Variants in MAP4K1 observed in about 807,000 individuals in gnomAD.
MAP4K1 encodes the protein MAPK/ERK kinase kinase kinase 1.
Under a neutral mutation model 122.8 loss-of-function variants are expected in MAP4K1, and 35 were observed. The observed-to-expected ratio is 0.29, with a 90% CI of 0.22 to 0.38. MAP4K1 has a LOEUF of 0.38. Ranked by LOEUF, MAP4K1 falls within the 10% of genes least tolerant of loss-of-function variation. The probability of loss-of-function intolerance (pLI) is 1.00; values close to 1 mark genes in which losing one functional copy is unlikely to be tolerated. For missense variants in MAP4K1, 791 were observed against 1,072.6 expected (o/e 0.74, Z 3.67); for synonymous variants, 412 against 421.3 (o/e 0.98, Z 0.27).
Position 38,605,450 on chromosome 19 carries a change from G to C in MAP4K1, c.1405C>G (p.Pro469Ala), listed in dbSNP as rs749412597. Residue 469 changes from proline to alanine, a missense_variant, in exon 19 of 31, where the codon CCC becomes GCC. By Grantham distance (27) the Pro-to-Ala change is conservative. Transcript: ENST00000396857. Reference protein sequence around the residue: ...WNPPSRELDKPPLLPPKKEKM... With the variant: ...WNPPSRELDKAPLLPPKKEKM... ...TCCTTCTTGGGGGGCAGAAGTGGGG[G>C]CTTGTCAAGCTCCCGGGAGGGTGGG... 6.2e-7 allele frequency: 1 copy of C among 1,600,716 alleles called. No individual in the cohort carries two copies. Among genetic ancestry groups the C allele is most frequent in the Non-Finnish European group, 8.5e-7 (1 of 1,175,008 alleles).
intron 30 of MAP4K1, chr19:38,589,039 T>C (rs1325346342): frequency 6.6e-6 from 1 of 152,288 alleles, no homozygotes; most frequent in Non-Finnish European, 1.5e-5. Flanking sequence ...TAGAGTAGAA[T>C]GCCAACTAAC....
At chr19:38,596,202 C>G in intron 26 of MAP4K1, 110 bp downstream of exon 26, 1 of 1,416,982 alleles carries the variant, frequency 7.1e-7, no homozygotes, top group Non-Finnish European at 9.4e-7. Context: ...CTCCGCCCTT[C>G]CAGCCCTTTC....
chr19:38,596,367 G>A lies in MAP4K1; in HGVS notation c.2061C>T (p.Leu687=), dbSNP rs1375310344. 6.2e-7 allele frequency: 1 copy of A among 1,602,218 alleles called. No individual in the cohort carries two copies. Among genetic ancestry groups the A allele is most frequent in the Non-Finnish European group, 8.5e-7 (1 of 1,176,634 alleles). The change falls in exon 26 of 31, where the codon CTC becomes CTT. Residue 687 remains leucine, a synonymous_variant. Coordinates refer to ENST00000396857, the MANE Select transcript of MAP4K1 (RefSeq NM_001042600.3). ...VSPGRPGKSV[L]FHTVRFGALS... ...GCGCGCCAAAGCGCACCGTGTGGAAGAGCACCGACTTCCCCGGCCGCCCGG... is the reference window on the plus strand; with the variant it reads ...GCGCGCCAAAGCGCACCGTGTGGAAAAGCACCGACTTCCCCGGCCGCCCGG...
intron 13 of MAP4K1, among the ~76,000 whole-genome samples, chr19:38,608,828 A>AAAAAAAC (rs1555811720): frequency 1.4e-4 from 19 of 137,238 alleles, no homozygotes; most frequent in Non-Finnish European, 2.4e-4. Flanking sequence ...AAAAAAAAAA[A>AAAAAAAC]ACATTAGCCA....
At position 38,617,351 on chromosome 19, in the gene MAP4K1, C is replaced by T; in HGVS notation, c.248+3G>A. 1 of 1,611,402 alleles carries T rather than the reference C, an allele frequency of 6.2e-7. No homozygotes were observed. Among genetic ancestry groups the T allele is most frequent in the Non-Finnish European group, 8.5e-7 (1 of 1,178,148 alleles). On this transcript the variant is annotated splice_donor_region_variant and intron_variant, in intron 3 of 30. Transcript: ENST00000396857. This position sits in a 1 kb window ranked among gnomAD's most constrained non-coding sequence, Gnocchi z 4.1. ...GTGCCAGGGTGGGTCTGAGGTTCATCACCAGAGATAACTCCCATGGTAGGC... is the reference window on the plus strand; with the variant it reads ...GTGCCAGGGTGGGTCTGAGGTTCATTACCAGAGATAACTCCCATGGTAGGC...
intron 26 of MAP4K1, 109 bp downstream of exon 26, chr19:38,596,203 C>T: frequency 1.4e-6 from 2 of 1,419,164 alleles, no homozygotes; most frequent in South Asian, 1.4e-5. Flanking sequence ...TCCGCCCTTC[C>T]AGCCCTTTCT....
rs1344770238 is a variant in MAP4K1 at position 38,613,802 on chromosome 19, A to G, written c.533+78T>C. On this transcript the variant is annotated intron_variant, in intron 8 of 30. Transcript: ENST00000396857. ...CGAGGCAGGGGAACGGAGCCAGGAA[A>G]GAGGATCCCGGGGAACCAGGGTAGG... 5.2e-6 allele frequency: 6 copies of G among 1,150,496 alleles called. No individual in the cohort carries two copies. The African/African-American group carries it at 6.2e-5, about 12-fold the overall frequency. The allele number at this position is 1,150,496 out of a possible 1,614,324, so 71.3% of individuals were successfully genotyped here.
At chr19:38,606,336 A>T in intron 16 of MAP4K1, 121 bp from the exon 17 acceptor site, 4 of 593,538 alleles carry the variant, frequency 6.7e-6, no homozygotes. Flanking sequence ...TTAAGGGATG[A>T]CTGGTTCTGC....
At chr19:38,589,558 G>A (rs2145926726) in intron 30 of MAP4K1, among the ~76,000 whole-genome samples, 1 of 151,754 alleles carries the variant, frequency 6.6e-6, no homozygotes, top group East Asian at 2.0e-4. Flanking sequence ...TGGGATTACA[G>A]GCATGCAACA....
chr19:38,594,968 TCTA>T (rs1246852683), intron 29 of MAP4K1, among the ~76,000 whole-genome samples: 1 of 149,968 alleles, frequency 6.7e-6, no homozygotes, highest in African/African-American at 2.5e-5. Flanking sequence ...TATCTATCTA[TCTA>T]TCTATCTATC....
In MAP4K1 at chr19:38,617,274, C is replaced by A; in HGVS notation, c.248+80G>T. On this transcript the variant is annotated intron_variant, in intron 3 of 30. Coordinates refer to ENST00000396857, the MANE Select transcript of MAP4K1 (RefSeq NM_001042600.3). This position sits in a 1 kb window ranked among gnomAD's most constrained non-coding sequence, Gnocchi z 4.1. ...AGAAAAAGAAAAGAAAAAAAAAGAA[C>A]TGAGGGTACCCCCATCAAGAAATGG... The A allele has an allele frequency of 1.1e-6, 1 of 925,298 alleles. No individual in the cohort carries two copies. The highest frequency in any genetic ancestry group is 1.3e-5 in the South Asian group (1 of 75,400). 57.3% of individuals were successfully genotyped at this position (925,298 alleles called of 1,614,324 possible). A position where few individuals can be genotyped will look rare whatever the true frequency, so the allele number is the denominator to read the frequency against.
chr19:38,607,989 C>T lies in MAP4K1; in HGVS notation c.1109+1G>A. On this transcript the variant is annotated splice_donor_variant, in intron 15 of 30. Transcript: ENST00000396857. LOFTEE classifies it high-confidence loss of function. ...TCCCCATCCTCCCTGGGGTCCCTGA[C>T]CTGGGGCTGCTGCTCCTGAGGTCTC... is the stretch of plus-strand genomic sequence containing the variant. 6.2e-7 allele frequency: 1 copy of T among 1,611,484 alleles called. No individual in the cohort carries two copies. Among genetic ancestry groups the T allele is most frequent in the Non-Finnish European group, 8.5e-7 (1 of 1,178,730 alleles).
In MAP4K1 at chr19:38,595,917, G is replaced by A. The variant is rs925841585; in HGVS notation, c.2179+22C>T. ...CTGCAGCTGGAGGGGTGGGGAGGAA[G>A]GGGAGGAAGGAGGGTTCTCACCATC... is the stretch of plus-strand genomic sequence containing the variant. On this transcript the variant is annotated intron_variant, in intron 27 of 30. Coordinates refer to ENST00000396857, the MANE Select transcript of MAP4K1 (RefSeq NM_001042600.3). The A allele has an allele frequency of 2.5e-6, 4 of 1,613,084 alleles. No homozygotes were observed. The African/African-American group carries it at 5.3e-5, about 22-fold the overall frequency.
chr19:38,600,175 C>G lies in MAP4K1; in HGVS notation c.1532-22G>C, dbSNP rs1975018952. 7 of 1,609,090 alleles carry G rather than the reference C, an allele frequency of 4.4e-6. No individual in the cohort carries two copies. In the East Asian group the frequency reaches 1.6e-4, roughly 36 times the overall value. Reference sequence around the variant, plus strand: ...TGGTCTGGAGGCACAGACAAGGACGCTGGGACCGACTTCATCCTCAGGGAC... The same window carrying G: ...TGGTCTGGAGGCACAGACAAGGACGGTGGGACCGACTTCATCCTCAGGGAC... On this transcript the variant is annotated intron_variant, in intron 20 of 30. Coordinates refer to ENST00000396857, the MANE Select transcript of MAP4K1 (RefSeq NM_001042600.3).
chr19:38,592,097 C>A (rs182303014), intron 30 of MAP4K1, among the ~76,000 whole-genome samples: 185 of 152,040 alleles, frequency 1.2e-3, no homozygotes, highest in African/African-American at 4.1e-3. Context: ...CATGGCAAGA[C>A]CCCGTCTCTA....
Position 38,598,029 on chromosome 19 carries a change from T to TTA in MAP4K1, c.1670-436_1670-435insTA, listed in dbSNP as rs1974941345. 2.0e-5 allele frequency among the ~76,000 whole-genome samples: 3 copies of TTA among 150,690 alleles called. No individual in the cohort carries two copies. In the South Asian group the frequency reaches 6.2e-4, roughly 31 times the overall value. ...CCAAAACTAGAAATTATTTCATTTA[T>TTA]TTATTATTATTATTATTATTTTAGA... On this transcript the variant is annotated intron_variant, in intron 22 of 30. Coordinates refer to ENST00000396857, the MANE Select transcript of MAP4K1 (RefSeq NM_001042600.3).
Position 38,595,526 on chromosome 19 carries a change from A to G in MAP4K1, c.2299T>C (p.Trp767Arg). The change falls in exon 29 of 31, where the codon TGG (tryptophan) becomes CGG (arginine). Residue 767 changes from tryptophan (W) to arginine (R), a missense_variant. Trp to Arg is a moderately radical substitution (Grantham distance 101, BLOSUM62 -3). This residue lies in a region of MAP4K1 where 267 missense variants were observed against 323.0 expected (regional missense o/e 0.83). Transcript: ENST00000396857. ...AMVGGQLQAFWKHGVQVWALG... is the reference protein window; with the variant it reads ...AMVGGQLQAFRKHGVQVWALG... Reference sequence around the variant, plus strand: ...GCCCACACCTGCACTCCATGCTTCCAGAAGGCCTGAAGCTGACCTCCAACC... The same window carrying G: ...GCCCACACCTGCACTCCATGCTTCCGGAAGGCCTGAAGCTGACCTCCAACC... 6.2e-7 allele frequency: 1 copy of G among 1,614,148 alleles called. No individual in the cohort carries two copies. The highest frequency in any genetic ancestry group is 8.5e-7 in the Non-Finnish European group (1 of 1,180,024).
chr19:38,604,985 G>A (rs1317000337), intron 19 of MAP4K1, among the ~76,000 whole-genome samples: 2 of 151,444 alleles, frequency 1.3e-5, no homozygotes, highest in African/African-American at 4.9e-5. Context: ...TACTCCGGAG[G>A]CTGAGGCAGG....
At chr19:38,600,799 A>ATTTTT (rs560496607) in intron 20 of MAP4K1, among the ~76,000 whole-genome samples, 13 of 90,956 alleles carry the variant, frequency 1.4e-4, no homozygotes, top group East Asian at 3.0e-4. Context: ...CCCTCTACCC[A>ATTTTT]TTTTTTTTTT....
Sources: gnomAD v4.1 joint callset for allele counts (sites outside exome capture counted in the v4.1 genomes callset) on GRCh38, gnomAD v4.1.1 for gene constraint, gnomAD v4.1.1 regional missense constraint, Gnocchi (gnomAD v3.1) non-coding constraint, MANE v1.5 for transcripts, NCBI Gene and HGNC (gene_info 2026-07-23, HGNC 2026-07-21) for gene names.